CATSPERZ: variants seen among roughly 807,000 people sequenced by gnomAD.
CATSPERZ encodes the protein cation channel sperm-associated auxiliary subunit zeta.
In CATSPERZ, 21 loss-of-function variants were observed where a neutral mutation model predicts 21.7. The observed-to-expected ratio is 0.97, with a 90% CI of 0.69 to 1.39. CATSPERZ has a LOEUF of 1.39. CATSPERZ is among the 40% of genes most tolerant of loss of function. CATSPERZ has a pLI of 0.00. For missense variants in CATSPERZ, 234 were observed against 259.5 expected (o/e 0.90, Z 0.68); for synonymous variants, 127 against 108.7 (o/e 1.17, Z -1.05).
intron 4 of CATSPERZ, 90 bp from the exon 5 acceptor site, chr11:64,304,453 G>C: frequency 1.1e-6 from 1 of 947,128 alleles, no homozygotes; most frequent in Non-Finnish European, 1.6e-6. Flanking sequence ...CGAATCATCT[G>C]CGGTTCCTCG....
At position 64,300,920 on chromosome 11, in the gene CATSPERZ, G is replaced by A. The variant is rs2034913748; in HGVS notation, c.285G>A (p.Glu95=). The part of the protein sequence containing the change: ...ELDEHALVEL[E]LHRGSSMEIN... ...ACGAGCACGCGCTGGTGGAGCTGGA[G>A]TTGCACCGCGGCAGCTCCATGGAAA... Residue 95 remains glutamate, a synonymous_variant, in exon 2 of 5, where the codon GAG becomes GAA. Coordinates refer to ENST00000328404, the MANE Select transcript of CATSPERZ (RefSeq NM_001039496.2). The A allele has an allele frequency of 1.3e-6, 2 of 1,581,106 alleles. No individual in the cohort carries two copies. The highest frequency in any genetic ancestry group is 1.7e-6 in the Non-Finnish European group (2 of 1,164,642).
chr11:64,303,461 C>A (rs375255455), intron 2 of CATSPERZ, 21 bp from the exon 3 acceptor site: 2 of 1,604,148 alleles, frequency 1.2e-6, no homozygotes, highest in Middle Eastern at 1.7e-4. Context: ...GGATGACTAA[C>A]CCTTTTTTCT....
chr11:64,301,173 G>A (rs1479185423), intron 2 of CATSPERZ, among the ~76,000 whole-genome samples, 186 bp downstream of exon 2: 1 of 152,264 alleles, frequency 6.6e-6, no homozygotes, highest in African/African-American at 2.4e-5. Flanking sequence ...GCCCCCTCCC[G>A]GGCAGGCGTT....
rs1391346165 is a variant in CATSPERZ, at chr11:64,300,396, C to T, written c.-15C>T. The T allele has an allele frequency of 2.1e-6, 3 of 1,440,094 alleles. No homozygotes were observed. The highest frequency in any genetic ancestry group is 2.8e-6 in the Non-Finnish European group (3 of 1,070,360). 89.2% of individuals were successfully genotyped at this position (1,440,094 alleles called of 1,614,324 possible). A position where few individuals can be genotyped will look rare whatever the true frequency, so the allele number is the denominator to read the frequency against. On this transcript the variant is annotated 5_prime_UTR_variant, in exon 1 of 5. Transcript: ENST00000328404. Reference sequence around the variant, plus strand: ...TCTCGAGGCCTGTGGCGTCTGGGTCCGTTGGGGCAGAACCATGGAGGAAAA... The same window carrying T: ...TCTCGAGGCCTGTGGCGTCTGGGTCTGTTGGGGCAGAACCATGGAGGAAAA...
Position 64,304,692 on chromosome 11 carries a change from C to T in CATSPERZ, c.*46C>T. On this transcript the variant is annotated 3_prime_UTR_variant, in exon 5 of 5. Transcript: ENST00000328404. ...GCAGCGACCCGAACCAGCCCCGTGCCAGCCCGGTCCCCAGACCCAAGCCTG... is the reference window on the plus strand; with the variant it reads ...GCAGCGACCCGAACCAGCCCCGTGCTAGCCCGGTCCCCAGACCCAAGCCTG... 1 of 1,508,456 alleles carries T rather than the reference C, an allele frequency of 6.6e-7. No individual in the cohort carries two copies. Among genetic ancestry groups the T allele is most frequent in the Non-Finnish European group, 9.0e-7 (1 of 1,110,448 alleles). 93.4% of individuals were successfully genotyped at this position (1,508,456 alleles called of 1,614,324 possible). A position where few individuals can be genotyped will look rare whatever the true frequency, so the allele number is the denominator to read the frequency against.
At position 64,303,770 on chromosome 11, in the gene CATSPERZ, C is replaced by T. The variant is rs377684493; in HGVS notation, c.433-3C>T. ...ACGCCTAAGCCTCTTGCTGCTTCTC[C>T]AGCTGCCACTGCCCCTGATGGAACT... is the stretch of plus-strand genomic sequence containing the variant. On this transcript the variant is annotated splice_polypyrimidine_tract_variant and splice_region_variant and intron_variant, in intron 3 of 4. Coordinates refer to ENST00000328404, the MANE Select transcript of CATSPERZ (RefSeq NM_001039496.2). 2.8e-4 allele frequency: 452 copies of T among 1,596,672 alleles called. No individual in the cohort carries two copies. The highest frequency in any genetic ancestry group is 3.5e-4 in the Non-Finnish European group (416 of 1,172,048).
Position 64,300,820 on chromosome 11 carries a change from C to A in CATSPERZ, c.185C>A (p.Thr62Asn), listed in dbSNP as rs1183421466. ...GAGGAGGGCCGCAACATTAGCAAGA[C>A]CCGCGGGTGGCACAGCCCGGGGCGG... is the stretch of plus-strand genomic sequence containing the variant. Reference protein sequence around the residue: ...FDEEGRNISKTRGWHSPGRGS... With the variant: ...FDEEGRNISKNRGWHSPGRGS... The change falls in exon 2 of 5, where the codon ACC becomes AAC. Residue 62 changes from threonine to asparagine, a missense_variant. Coordinates refer to ENST00000328404, the MANE Select transcript of CATSPERZ (RefSeq NM_001039496.2). The A allele has an allele frequency of 1.3e-6, 2 of 1,560,076 alleles. No homozygotes were observed. The highest frequency in any genetic ancestry group is 1.4e-5 in the African/African-American group (1 of 73,530).
At position 64,304,590 on chromosome 11, in the gene CATSPERZ, C is replaced by T; in HGVS notation, c.547C>T (p.Gln183Ter). The T allele has an allele frequency of 2.5e-6, 4 of 1,588,142 alleles. No individual in the cohort carries two copies. The highest frequency in any genetic ancestry group is 3.4e-6 in the Non-Finnish European group (4 of 1,168,222). The change falls in exon 5 of 5, where the codon CAG (glutamine) becomes TAG (stop). Residue 183 changes from glutamine to a stop codon, truncating the protein, a stop_gained. Transcript: ENST00000328404. LOFTEE classifies it low-confidence loss of function (END_TRUNC). ...GGACCACTTCCTGACTAAGGAGCTGCAGCGATACATCGAAGGGCTCAAGAA... is the reference window on the plus strand; with the variant it reads ...GGACCACTTCCTGACTAAGGAGCTGTAGCGATACATCGAAGGGCTCAAGAA... ...GRDHFLTKELQRYIEGLKKRR... is the reference protein window; with the variant it reads ...GRDHFLTKEL
chr11:64,302,498 T>C (rs938408659), intron 2 of CATSPERZ, among the ~76,000 whole-genome samples: 1 of 152,130 alleles, frequency 6.6e-6, no homozygotes, highest in Non-Finnish European at 1.5e-5. Flanking sequence ...GCCAGGATGG[T>C]CTCAATCTCC....
intron 1 of CATSPERZ, 74 bp from the exon 2 acceptor site, chr11:64,300,583 G>T: frequency 6.6e-7 from 1 of 1,515,438 alleles, no homozygotes; most frequent in Non-Finnish European, 8.9e-7. Context: ...GCCCGGCTCA[G>T]TTCCCCAGCC....
intron 2 of CATSPERZ, among the ~76,000 whole-genome samples, chr11:64,301,704 T>C (rs1200829627): frequency 6.6e-6 from 1 of 151,950 alleles, no homozygotes; most frequent in Admixed American, 6.6e-5. Context: ...TCCTGCTTTG[T>C]CACCCAGGCT....
intron 4 of CATSPERZ, 28 bp from the exon 5 acceptor site, chr11:64,304,515 C>T: frequency 3.2e-6 from 5 of 1,547,706 alleles, no homozygotes; most frequent in Non-Finnish European, 4.4e-6. Context: ...TGCTCACTGC[C>T]CTGAGCCGAG....
At chr11:64,303,983 A>G in intron 4 of CATSPERZ, 144 bp downstream of exon 4, 3 of 803,054 alleles carry the variant, frequency 3.7e-6, no homozygotes, top group South Asian at 1.8e-5. Context: ...AGGGCCCCAT[A>G]AAAGTTAAAA....
At chr11:64,303,909 G>T in intron 4 of CATSPERZ, 70 bp downstream of exon 4, 1 of 1,494,724 alleles carries the variant, frequency 6.7e-7, no homozygotes, top group Non-Finnish European at 9.1e-7. Context: ...CTGGGGCCCA[G>T]GGGGGTGGGG....
At chr11:64,301,039 A>G in intron 2 of CATSPERZ, 52 bp downstream of exon 2, 4 of 1,434,232 alleles carry the variant, frequency 2.8e-6, no homozygotes, top group Non-Finnish European at 3.7e-6. Flanking sequence ...TAAGCTGGCC[A>G]GGGACTCAAT....
chr11:64,303,850 C>G lies in CATSPERZ; in HGVS notation c.499+11C>G. ...CCAAAGCCCTCCGGAGTAAGCTCCC[C>G]GCCAACCCCCAAGAACTCCCACGAC... On this transcript the variant is annotated intron_variant, in intron 4 of 4. Coordinates refer to ENST00000328404, the MANE Select transcript of CATSPERZ (RefSeq NM_001039496.2). The G allele has an allele frequency of 1.3e-6, 2 of 1,589,942 alleles. No homozygotes were observed. Among genetic ancestry groups the G allele is most frequent in the Non-Finnish European group, 1.7e-6 (2 of 1,168,576 alleles).
chr11:64,304,532 C>A lies in CATSPERZ; in HGVS notation c.500-11C>A. 6.4e-7 allele frequency: 1 copy of A among 1,570,996 alleles called. No homozygotes were observed. Among genetic ancestry groups the A allele is most frequent in the East Asian group, 2.4e-5 (1 of 42,334 alleles). On this transcript the variant is annotated splice_polypyrimidine_tract_variant and intron_variant, in intron 4 of 4. Coordinates refer to ENST00000328404, the MANE Select transcript of CATSPERZ (RefSeq NM_001039496.2). The stretch of plus-strand genomic sequence containing the variant: ...CTCACTGCCCTGAGCCGAGCTCTGC[C>A]CTCCTCCTAGGCTACCAGTTAGGGA...
chr11:64,303,390 C>T (rs1049725375), intron 2 of CATSPERZ, 92 bp from the exon 3 acceptor site: 1 of 1,033,658 alleles, frequency 9.7e-7, no homozygotes, highest in East Asian at 2.6e-5. Flanking sequence ...CTCTGAAGGC[C>T]ATTCCCTCTC....
chr11:64,304,606 G>T lies in CATSPERZ; in HGVS notation c.563G>T (p.Gly188Val). Residue 188 changes from glycine to valine, a missense_variant, in exon 5 of 5, where the codon GGG becomes GTG. Coordinates refer to ENST00000328404, the MANE Select transcript of CATSPERZ (RefSeq NM_001039496.2). Reference sequence around the variant, plus strand: ...AAGGAGCTGCAGCGATACATCGAAGGGCTCAAGAAGCGCCGGAGCAAGAGG... The same window carrying T: ...AAGGAGCTGCAGCGATACATCGAAGTGCTCAAGAAGCGCCGGAGCAAGAGG... Reference protein sequence around the residue: ...LTKELQRYIEGLKKRRSKRLY... With the variant: ...LTKELQRYIEVLKKRRSKRLY... The T allele has an allele frequency of 6.3e-7, 1 of 1,584,660 alleles. No homozygotes were observed. Among genetic ancestry groups the T allele is most frequent in the Non-Finnish European group, 8.6e-7 (1 of 1,166,352 alleles).
Sources: allele counts gnomAD v4.1 joint callset (sites outside exome capture counted in the v4.1 genomes callset), GRCh38; gene constraint gnomAD v4.1.1; transcripts MANE v1.5; gene names NCBI Gene and HGNC (gene_info 2026-07-23, HGNC 2026-07-21).